Variants in COG5 observed in about 807,000 individuals in gnomAD.
COG5 encodes the protein conserved oligomeric Golgi complex subunit 5.
A neutral mutation model predicts 110.4 loss-of-function variants in COG5; 86 were observed. The ratio of observed to expected loss-of-function variants is 0.78; its 90% confidence interval spans 0.65 to 0.93. The LOEUF is 0.93. Among genes scored for constraint, COG5 ranks in the 40% least tolerant of loss-of-function variants. COG5 has a pLI of 0.00. For missense variants in COG5, 1,077 were observed against 987.0 expected (o/e 1.09, Z -1.22); for synonymous variants, 360 against 334.6 (o/e 1.08, Z -0.83).
intron 6 of COG5, among the ~76,000 whole-genome samples, chr7:107,490,898 C>T (rs552359351): frequency 1.3e-5 from 2 of 152,060 alleles, no homozygotes; most frequent in Non-Finnish European, 2.9e-5. Flanking sequence ...TAAAGTATTA[C>T]TTTGATGGAA....
intron 16 of COG5, among the ~76,000 whole-genome samples, chr7:107,250,378 C>T (rs1802409143): frequency 6.6e-6 from 1 of 151,524 alleles, no homozygotes; most frequent in African/African-American, 2.4e-5. Flanking sequence ...TATGACAGTA[C>T]ACAGTTTGAG....
chr7:107,316,588 C>T (rs922827234), intron 11 of COG5, among the ~76,000 whole-genome samples: 13 of 141,724 alleles, frequency 9.2e-5, no homozygotes, highest in Non-Finnish European at 2.0e-4. Flanking sequence ...CCAGGGCGGG[C>T]GGATCACGAG....
At chr7:107,460,065 G>A (rs769445434) in intron 6 of COG5, among the ~76,000 whole-genome samples, 86 of 152,042 alleles carry the variant, frequency 5.7e-4, no homozygotes, top group South Asian at 1.2e-3. Context: ...ATTAGAAACC[G>A]ATAACAAAAA....
In COG5 at chr7:107,325,297, T is replaced by C. The variant is rs544745414; in HGVS notation, c.1027-776A>G. On this transcript the variant is annotated intron_variant, in intron 10 of 21. Coordinates refer to ENST00000297135, the MANE Select transcript of COG5 (RefSeq NM_006348.5). ...ACATCCACATGTGTGGTATACAATA[T>C]AATACTGCCAATATTCTACTATTTT... Among the ~76,000 whole-genome samples the C allele has an allele frequency of 4.6e-5, 7 of 152,338 alleles. No homozygotes were observed. The South Asian group carries it at 8.3e-4, about 18-fold the overall frequency.
At chr7:107,296,577 T>C (rs1366031311) in intron 12 of COG5, among the ~76,000 whole-genome samples, 8 of 137,558 alleles carry the variant, frequency 5.8e-5, no homozygotes, top group Non-Finnish European at 1.1e-4. Flanking sequence ...CAGTCAAAAC[T>C]ACTCTTTTTT....
At chr7:107,369,136 C>G (rs904614949) in intron 8 of COG5, among the ~76,000 whole-genome samples, 5 of 152,028 alleles carry the variant, frequency 3.3e-5, no homozygotes, top group Non-Finnish European at 5.9e-5. Context: ...TTCCAATGTG[C>G]GTATTTACAC....
At chr7:107,354,948 A>G (rs965586288) in intron 10 of COG5, among the ~76,000 whole-genome samples, 5 of 152,226 alleles carry the variant, frequency 3.3e-5, no homozygotes, top group African/African-American at 1.2e-4. Context: ...TAACTGTTAC[A>G]AAAGAAGCCC....
chr7:107,471,075 C>A (rs1381200826), intron 6 of COG5, among the ~76,000 whole-genome samples: 2 of 151,894 alleles, frequency 1.3e-5, no homozygotes, highest in African/African-American at 4.8e-5. Context: ...TCTGAAAATA[C>A]AGGTTAGCTT....
intron 6 of COG5, among the ~76,000 whole-genome samples, chr7:107,524,594 T>C (rs965060651): frequency 6.6e-6 from 1 of 152,204 alleles, no homozygotes; most frequent in Non-Finnish European, 1.5e-5. Context: ...TACTCAAATA[T>C]TAATTCCAAA....
chr7:107,450,688 A>C (rs1422895123), intron 6 of COG5, among the ~76,000 whole-genome samples: 3 of 152,208 alleles, frequency 2.0e-5, no homozygotes, highest in Non-Finnish European at 4.4e-5. Flanking sequence ...TATGATCAGG[A>C]GGATTGTCCT....
intron 2 of COG5, among the ~76,000 whole-genome samples, chr7:107,556,661 G>A (rs1803346362): frequency 6.6e-6 from 1 of 152,038 alleles, no homozygotes. Flanking sequence ...CATTATTTCT[G>A]TCTGTGTCTG....
intron 7 of COG5, among the ~76,000 whole-genome samples, chr7:107,402,717 G>A (rs565062309): frequency 6.6e-6 from 1 of 152,304 alleles, no homozygotes; most frequent in East Asian, 1.9e-4. Context: ...AGAGCTGCAG[G>A]TGGATGGCAT....
intron 11 of COG5, among the ~76,000 whole-genome samples, chr7:107,308,721 A>G (rs545606696): frequency 2.0e-5 from 3 of 151,088 alleles, no homozygotes; most frequent in African/African-American, 7.2e-5. Flanking sequence ...CCATACCATC[A>G]TTAATGGTAA....
At chr7:107,460,728 GA>G (rs897630807) in intron 6 of COG5, among the ~76,000 whole-genome samples, 7 of 151,494 alleles carry the variant, frequency 4.6e-5, no homozygotes, top group African/African-American at 9.7e-5. Context: ...AACTCAAAAA[GA>G]AAAAAAGATG....
At chr7:107,240,892 CAACT>C (rs1431588455) in intron 17 of COG5, among the ~76,000 whole-genome samples, 1 of 152,164 alleles carries the variant, frequency 6.6e-6, no homozygotes, top group African/African-American at 2.4e-5. Context: ...ACTGGAATCT[CAACT>C]GACTGCTGTA....
At position 107,434,499 on chromosome 7, in the gene COG5, G is replaced by A. The variant is rs533857863; in HGVS notation, c.539-21867C>T. Among the ~76,000 whole-genome samples, 19 of 152,182 alleles carry A rather than the reference G, an allele frequency of 1.2e-4. No individual in the cohort carries two copies. The South Asian group carries it at 2.1e-3, about 17-fold the overall frequency. ...GGTACAGTGTGTACACTGCTTGGACGATGAGTGCACCAAAATCTCAGAAAT... is the reference window on the plus strand; with the variant it reads ...GGTACAGTGTGTACACTGCTTGGACAATGAGTGCACCAAAATCTCAGAAAT... On this transcript the variant is annotated intron_variant, in intron 6 of 21. Coordinates refer to ENST00000297135, the MANE Select transcript of COG5 (RefSeq NM_006348.5).
intron 11 of COG5, among the ~76,000 whole-genome samples, chr7:107,317,322 G>A (rs866208544): frequency 8.5e-5 from 13 of 152,138 alleles, no homozygotes; most frequent in South Asian, 6.2e-4. Context: ...ATAGAATACC[G>A]GAGAGAACAG....
intron 6 of COG5, among the ~76,000 whole-genome samples, chr7:107,513,545 T>G (rs569987847): frequency 6.6e-6 from 1 of 152,322 alleles, no homozygotes; most frequent in Non-Finnish European, 1.5e-5. Flanking sequence ...ATCCCATTAC[T>G]GGGTATATAC....
intron 1 of COG5, among the ~76,000 whole-genome samples, chr7:107,558,320 A>C (rs1458872711): frequency 1.3e-5 from 2 of 152,218 alleles, no homozygotes; most frequent in African/African-American, 4.8e-5. Context: ...ACGACTGGCC[A>C]GGCACACTGG....
Sources: gnomAD v4.1 joint callset for allele counts (sites outside exome capture counted in the v4.1 genomes callset) on GRCh38, gnomAD v4.1.1 for gene constraint, MANE v1.5 for transcripts, NCBI Gene and HGNC (gene_info 2026-07-23, HGNC 2026-07-21) for gene names.